The following RIGI variants were observed in gnomAD, a reference collection of about 807,000 sequenced individuals.
RIGI encodes the protein antiviral innate immune response receptor RIG-I.
At chr9:32,522,220 G>GT in the RIGI span, among the ~76,000 whole-genome samples, 3 of 152,012 alleles carry the variant, frequency 2.0e-5, no homozygotes, top group South Asian at 6.2e-4. Flanking sequence ...GAGAATTTTT[G>GT]TTTTTTGGAA....
At chr9:32,456,358 G>A in the RIGI span, 6 of 152,080 alleles carry the variant, frequency 3.9e-5, no homozygotes, top group East Asian at 1.9e-4. Flanking sequence ...CAACTCTACA[G>A]TGGACAGCTT....
At chr9:32,483,489 A>T in the RIGI span, among the ~76,000 whole-genome samples, 3 of 152,070 alleles carry the variant, frequency 2.0e-5, no homozygotes, top group Non-Finnish European at 4.4e-5. Flanking sequence ...ATAGAAACTC[A>T]CGTGACTCCA....
At chr9:32,469,443 G>C in the RIGI span, among the ~76,000 whole-genome samples, 1 of 152,184 alleles carries the variant, frequency 6.6e-6, no homozygotes, top group Non-Finnish European at 1.5e-5. Flanking sequence ...GTGTGGGGCA[G>C]TCATGAATGG....
chr9:32,459,582 T>TA, the RIGI span: 2 of 1,453,460 alleles, frequency 1.4e-6, no homozygotes, highest in African/African-American at 1.4e-5. Context: ...CAGGCACAGA[T>TA]ACGTACAATA....
At chr9:32,486,796 G>A in the RIGI span, among the ~76,000 whole-genome samples, 2 of 152,150 alleles carry the variant, frequency 1.3e-5, no homozygotes, top group Non-Finnish European at 2.9e-5. Context: ...AAATTCATAT[G>A]TGACACTGAA....
the RIGI span, among the ~76,000 whole-genome samples, chr9:32,497,745 C>T: frequency 1.3e-5 from 2 of 151,716 alleles, no homozygotes; most frequent in East Asian, 1.9e-4. Context: ...AGCGAGACTC[C>T]GTCTCAAAAA....
chr9:32,488,727 T>C, the RIGI span: 2 of 1,600,854 alleles, frequency 1.2e-6, no homozygotes, highest in South Asian at 2.3e-5. Context: ...GCAACTATTA[T>C]ACCTACCCAT....
the RIGI span, among the ~76,000 whole-genome samples, chr9:32,473,518 C>G: frequency 1.3e-5 from 2 of 151,998 alleles, no homozygotes; most frequent in African/African-American, 2.4e-5. Context: ...AATTCCTGAC[C>G]TCGTGATCCA....
At chr9:32,506,818 T>C in the RIGI span, among the ~76,000 whole-genome samples, 1 of 152,204 alleles carries the variant, frequency 6.6e-6, no homozygotes, top group Non-Finnish European at 1.5e-5. Context: ...GTTAACTGGC[T>C]GTTCTTTTTG....
the RIGI span, chr9:32,487,348 A>G: frequency 1.0e-6 from 1 of 970,888 alleles, no homozygotes; most frequent in Non-Finnish European, 1.5e-6. Context: ...ACTCAAGTTC[A>G]AGGTTAAATA....
At chr9:32,478,046 T>G in the RIGI span, among the ~76,000 whole-genome samples, 1 of 152,040 alleles carries the variant, frequency 6.6e-6, no homozygotes, top group African/African-American at 2.4e-5. Context: ...TATCGGTTTT[T>G]GTTTTTGTTT....
At chr9:32,496,359 G>T in the RIGI span, among the ~76,000 whole-genome samples, 1 of 152,182 alleles carries the variant, frequency 6.6e-6, no homozygotes, top group Non-Finnish European at 1.5e-5. Flanking sequence ...GTCTGTAAGG[G>T]TGTTTTCAGA....
chr9:32,485,281 T>C, the RIGI span: 1 of 1,558,528 alleles, frequency 6.4e-7, no homozygotes. Context: ...TCCTGAAAAC[T>C]AGAGACGTCA....
the RIGI span, among the ~76,000 whole-genome samples, chr9:32,476,346 C>A: frequency 1.3e-5 from 2 of 151,878 alleles, no homozygotes; most frequent in Admixed American, 6.6e-5. Flanking sequence ...AATAAATAAA[C>A]AAATTAGCTG....
At chr9:32,491,742 AT>A in the RIGI span, among the ~76,000 whole-genome samples, 2 of 146,158 alleles carry the variant, frequency 1.4e-5, no homozygotes, top group Admixed American at 1.4e-4. Context: ...AAAGAGCATG[AT>A]TTAGCAGACA....
At chr9:32,486,093 G>C in the RIGI span, among the ~76,000 whole-genome samples, 2 of 152,156 alleles carry the variant, frequency 1.3e-5, no homozygotes, top group East Asian at 3.8e-4. Flanking sequence ...TCCATACAGG[G>C]CTGTGATCTT....
the RIGI span, chr9:32,491,327 AGATTCTGG>A: frequency 6.2e-7 from 1 of 1,613,606 alleles, no homozygotes; most frequent in Middle Eastern, 1.7e-4. Context: ...ATTCTCACTA[AGATTCTGG>A]CATTCTGGAT....
At chr9:32,459,363 C>T in the RIGI span, 11 of 1,611,408 alleles carry the variant, frequency 6.8e-6, no homozygotes, top group Non-Finnish European at 8.5e-6. Context: ...TGTAAAAAGG[C>T]AGCTTACCTC....
the RIGI span, among the ~76,000 whole-genome samples, chr9:32,524,597 T>G: frequency 4.3e-5 from 2 of 46,350 alleles, no homozygotes; most frequent in Admixed American, 1.8e-4. Flanking sequence ...TGTTTTTCGG[T>G]TTTTTTTTTT....
Sources: gnomAD v4.1 joint callset for allele counts (sites outside exome capture counted in the v4.1 genomes callset) on GRCh38, gnomAD v4.1.1 for gene constraint, MANE v1.5 for transcripts, NCBI Gene and HGNC (gene_info 2026-07-23, HGNC 2026-07-21) for gene names.